The following LLGL2 variants were observed in gnomAD, a reference collection of about 807,000 sequenced individuals.
LLGL2 encodes LLGL scribble cell polarity complex component 2.
A neutral mutation model predicts 123.2 loss-of-function variants in LLGL2; 81 were observed. That is an observed-to-expected ratio of 0.66 (90% confidence interval 0.55 to 0.79). The LOEUF (loss-of-function observed/expected upper bound fraction) is 0.79, where lower values mean the gene tolerates loss of function less well. Ranked by LOEUF, LLGL2 falls within the 30% of genes least tolerant of loss-of-function variation. LLGL2 has a pLI of 0.00. For missense variants in LLGL2, 1,273 were observed against 1,414.6 expected (o/e 0.90, Z 1.61); for synonymous variants, 577 against 594.1 (o/e 0.97, Z 0.42).
chr17:75,547,278 C>T (rs185896309), intron 2 of LLGL2, among the ~76,000 whole-genome samples: 29 of 152,330 alleles, frequency 1.9e-4, no homozygotes, highest in African/African-American at 6.0e-4. Context: ...GCTGTCAGAG[C>T]GGTAACTCCA....
intron 2 of LLGL2, 47 bp from the exon 3 acceptor site, chr17:75,555,999 C>G: frequency 1.4e-6 from 2 of 1,473,194 alleles, no homozygotes; most frequent in Non-Finnish European, 1.9e-6. Context: ...CATGGTGGCG[C>G]GAAGGGGACA....
chr17:75,548,418 C>T (rs1437402999), intron 2 of LLGL2, among the ~76,000 whole-genome samples: 1 of 151,702 alleles, frequency 6.6e-6, no homozygotes, highest in African/African-American at 2.4e-5. Flanking sequence ...GCTGGGATTA[C>T]AGGCATGTGC....
intron 3 of LLGL2, among the ~76,000 whole-genome samples, chr17:75,556,784 G>T (rs2054933433): frequency 6.6e-6 from 1 of 152,192 alleles, no homozygotes; most frequent in African/African-American, 2.4e-5. Flanking sequence ...TCGGCACTTT[G>T]GGAGGCTGAG....
At position 75,572,089 on chromosome 17, in the gene LLGL2, TC is replaced by T. The variant is rs750128987; in HGVS notation, c.2460+28del. 2.5e-6 allele frequency: 4 copies of T among 1,598,178 alleles called. No individual in the cohort carries two copies. The African/African-American group carries it at 5.3e-5, about 21-fold the overall frequency. ...GGTGCCACACGGGCAGCGGCGGGTC[TC>T]CCTGGGACTCCCCGGGACATCCAGG... is the stretch of plus-strand genomic sequence containing the variant. On this transcript the variant is annotated intron_variant, in intron 19 of 25. Coordinates refer to ENST00000392550, the MANE Select transcript of LLGL2 (RefSeq NM_001031803.2).
intron 1 of LLGL2, among the ~76,000 whole-genome samples, chr17:75,539,005 G>A (rs62088539): frequency 0.11 from 16,575 of 151,930 alleles, 1,241 homozygotes; most frequent in African/African-American, 0.2. Flanking sequence ...TGATCTTCCC[G>A]CCTCAGCCTC....
chr17:75,569,739 GT>G (rs2055610149), intron 14 of LLGL2, among the ~76,000 whole-genome samples: 1 of 151,614 alleles, frequency 6.6e-6, no homozygotes, highest in African/African-American at 2.4e-5. Context: ...GGAGGCAGAG[GT>G]TGCAGTGAGC....
chr17:75,542,865 T>A (rs1432531950), intron 1 of LLGL2: 2 of 152,422 alleles, frequency 1.3e-5, no homozygotes, highest in Non-Finnish European at 2.9e-5. Flanking sequence ...CGAGAGTCCC[T>A]GGACAGCCTT....
At position 75,559,292 on chromosome 17, in the gene LLGL2, C is replaced by T. The variant is rs753902766; in HGVS notation, c.412C>T (p.His138Tyr). 6 of 1,612,962 alleles carry T rather than the reference C, an allele frequency of 3.7e-6. No homozygotes were observed. The highest frequency in any genetic ancestry group is 5.1e-6 in the Non-Finnish European group (6 of 1,179,794). Residue 138 changes from histidine (H) to tyrosine (Y), a missense_variant, in exon 6 of 26, where the codon CAT (histidine) becomes TAT (tyrosine). Transcript: ENST00000392550. This position sits in a 1 kb window ranked among gnomAD's most constrained non-coding sequence, Gnocchi z 4.6. ...SATQITVVLP[H>Y]SSCELLYLGT... is the part of the protein sequence containing the mutation. ...CACACAGATCACCGTGGTCCTGCCA[C>T]ATTCCTCCTGCGAGCTGCTCTACCT...
chr17:75,542,300 C>T (rs2054245239), intron 1 of LLGL2, among the ~76,000 whole-genome samples: 1 of 152,112 alleles, frequency 6.6e-6, no homozygotes, highest in Non-Finnish European at 1.5e-5. Context: ...CTCCCTCCTG[C>T]AGTCAAAGCA....
At chr17:75,568,386 T>C (rs2055536148) in intron 10 of LLGL2, 90 bp from the exon 11 acceptor site, 6 of 1,496,716 alleles carry the variant, frequency 4.0e-6, no homozygotes, top group Non-Finnish European at 5.3e-6. Flanking sequence ...GATCTGCAGA[T>C]GCCCTGGCTC....
chr17:75,535,104 C>G (rs553415717), intron 1 of LLGL2, among the ~76,000 whole-genome samples: 1 of 152,346 alleles, frequency 6.6e-6, no homozygotes, highest in South Asian at 2.1e-4. Flanking sequence ...TGGGCACTTG[C>G]AAAGCGGCTA....
At chr17:75,561,756 AC>A (rs1212983145) in intron 6 of LLGL2, among the ~76,000 whole-genome samples, 9 of 152,096 alleles carry the variant, frequency 5.9e-5, no homozygotes, top group African/African-American at 1.9e-4. Context: ...CCCCGTCTCT[AC>A]TAAAAGTATA....
chr17:75,532,051 T>TACACACACACACACAC (rs1470150170), intron 1 of LLGL2, among the ~76,000 whole-genome samples: 16 of 36,828 alleles, frequency 4.3e-4, no homozygotes, highest in South Asian at 2.6e-3. Flanking sequence ...TATATATGTA[T>TACACACACACACACAC]ATATACACAC....
At chr17:75,560,802 T>TAAAAAAAAAAA (rs372940306) in intron 6 of LLGL2, among the ~76,000 whole-genome samples, 4 of 96,104 alleles carry the variant, frequency 4.2e-5, no homozygotes, top group Non-Finnish European at 8.5e-5. Context: ...GTTTATTTAT[T>TAAAAAAAAAAA]AAAAAAAAAA....
At chr17:75,574,151 G>C (rs1473670035) in intron 22 of LLGL2, 62 bp from the exon 23 acceptor site, 4 of 1,523,968 alleles carry the variant, frequency 2.6e-6, no homozygotes, top group Non-Finnish European at 2.6e-6. Flanking sequence ...TCAGTAAGGA[G>C]AGAGAGAGCC....
chr17:75,561,741 C>T (rs759393752), intron 6 of LLGL2, among the ~76,000 whole-genome samples: 6 of 151,962 alleles, frequency 3.9e-5, no homozygotes, highest in Non-Finnish European at 7.4e-5. Flanking sequence ...GGCAACATGG[C>T]GAAACCCCGT....
intron 6 of LLGL2, 114 bp from the exon 7 acceptor site, chr17:75,562,902 A>T (rs1339520340): frequency 7.7e-7 from 1 of 1,300,788 alleles, no homozygotes; most frequent in African/African-American, 1.5e-5. Flanking sequence ...CCATATTTCT[A>T]TGCTGGCACA....
intron 2 of LLGL2, among the ~76,000 whole-genome samples, chr17:75,550,962 C>T (rs763747053): frequency 6.6e-6 from 1 of 152,094 alleles, no homozygotes; most frequent in Non-Finnish European, 1.5e-5. Flanking sequence ...TCCCAAATCC[C>T]AATCCCTTCC....
At position 75,558,361 on chromosome 17, in the gene LLGL2, T is replaced by C; in HGVS notation, c.255+125T>C. On this transcript the variant is annotated intron_variant, in intron 4 of 25. Transcript: ENST00000392550. This position sits in a 1 kb window ranked among gnomAD's most constrained non-coding sequence, Gnocchi z 4.0. ...TGGGTTTGCTGCTGATGGAAAGACC[T>C]GGGACCCCCTCCCTTTCCACAGCTG... The C allele has an allele frequency of 8.6e-7, 1 of 1,164,762 alleles. No homozygotes were observed. The highest frequency in any genetic ancestry group is 2.5e-5 in the East Asian group (1 of 39,718). 72.2% of individuals were successfully genotyped at this position (1,164,762 alleles called of 1,614,324 possible). A position where few individuals can be genotyped will look rare whatever the true frequency, so the allele number is the denominator to read the frequency against.
Sources: allele counts gnomAD v4.1 joint callset (sites outside exome capture counted in the v4.1 genomes callset), GRCh38; gene constraint gnomAD v4.1.1; non-coding constraint Gnocchi (gnomAD v3.1); transcripts MANE v1.5; gene names NCBI Gene and HGNC (gene_info 2026-07-23, HGNC 2026-07-21).